The following VPS37A variants were observed in gnomAD, a reference collection of about 807,000 sequenced individuals.
VPS37A encodes VPS37A subunit of ESCRT-I, also known as vacuolar protein sorting-associated protein 37A.
A neutral mutation model predicts 49.8 loss-of-function variants in VPS37A; 30 were observed. That is an observed-to-expected ratio of 0.60 (90% CI 0.45 to 0.82). VPS37A has a LOEUF of 0.82. VPS37A is among the 40% of genes least tolerant of loss of function. The pLI is 0.00. For synonymous variants in VPS37A, 195 were observed against 160.6 expected, an observed-to-expected ratio of 1.21 and a Z score of -1.62; for missense variants, 593 against 464.4, an observed-to-expected ratio of 1.28 and a Z score of -2.55.
At chr8:17,248,305 C>G (rs1351043371) in intron 1 of VPS37A, 1 of 446,670 alleles carries the variant, frequency 2.2e-6, no homozygotes, top group South Asian at 1.6e-5. Flanking sequence ...TCTCCTGTTG[C>G]CCAGGCTGGA....
At chr8:17,263,671 G>A (rs956070825) in intron 1 of VPS37A, among the ~76,000 whole-genome samples, 10 of 152,152 alleles carry the variant, frequency 6.6e-5, no homozygotes, top group Non-Finnish European at 1.0e-4. Context: ...TCTGAACAAT[G>A]TCTGAAAAAC....
At position 17,268,328 on chromosome 8, in the gene VPS37A, A is replaced by G. The variant is rs771765571; in HGVS notation, c.271A>G (p.Met91Val). Reference protein sequence around the residue: ...SVYPPIRHHLMDKQGVYVTSP... With the variant: ...SVYPPIRHHLVDKQGVYVTSP... Reference sequence around the variant, plus strand: ...TTATCCACCAATACGACATCACTTAATGGATAAACAAGGAGTGTATGTTAC... The same window carrying G: ...TTATCCACCAATACGACATCACTTAGTGGATAAACAAGGAGTGTATGTTAC... The change falls in exon 3 of 12, where the codon ATG becomes GTG. Residue 91 changes from methionine (M) to valine (V), a missense_variant. By Grantham distance (21) the Met-to-Val change is conservative. Transcript: ENST00000324849. The G allele has an allele frequency of 6.2e-7, 1 of 1,613,380 alleles. No individual in the cohort carries two copies. Among genetic ancestry groups the G allele is most frequent in the African/African-American group, 1.3e-5 (1 of 74,928 alleles).
chr8:17,251,157 A>G (rs1811939559), intron 1 of VPS37A, among the ~76,000 whole-genome samples: 1 of 152,168 alleles, frequency 6.6e-6, no homozygotes. Context: ...TGTTTATGCC[A>G]GTGATGATGG....
At chr8:17,301,365 A>C (rs533289833), downstream of VPS37A, among the ~76,000 whole-genome samples, 5 of 152,348 alleles carry the variant, frequency 3.3e-5, no homozygotes, top group South Asian at 1.0e-3. Context: ...ACTGTGAAAG[A>C]TTTAAACTTG....
At chr8:17,247,648 C>G (rs1811421136) in intron 1 of VPS37A, 1 of 704,326 alleles carries the variant, frequency 1.4e-6, no homozygotes. Flanking sequence ...CTCAATCTCT[C>G]TCATAGTCTA....
intron 11 of VPS37A, 60 bp downstream of exon 11, chr8:17,286,487 ATGT>A: frequency 1.4e-6 from 2 of 1,475,726 alleles, no homozygotes; most frequent in Admixed American, 1.8e-5. Flanking sequence ...TTAAATAGAC[ATGT>A]TGTTAACGGT....
At position 17,268,245 on chromosome 8, in the gene VPS37A, C is replaced by T; in HGVS notation, c.201-13C>T. 1 of 1,576,862 alleles carries T rather than the reference C, an allele frequency of 6.3e-7. No homozygotes were observed. Among genetic ancestry groups the T allele is most frequent in the Non-Finnish European group, 8.7e-7 (1 of 1,149,168 alleles). On this transcript the variant is annotated splice_polypyrimidine_tract_variant and intron_variant, in intron 2 of 11. Transcript: ENST00000324849. The stretch of plus-strand genomic sequence containing the variant: ...TCTTTGTTTTTGTTTTTCATCTGTT[C>T]TACCTCTACCAGATTGCTTCCTCCA...
At chr8:17,324,751 G>A in the VPS37A span, among the ~76,000 whole-genome samples, 2 of 152,194 alleles carry the variant, frequency 1.3e-5, no homozygotes, top group South Asian at 4.1e-4. Flanking sequence ...ATGGGAAAAT[G>A]GGTTTTCTAT....
chr8:17,281,585 G>A (rs1160933322), intron 9 of VPS37A, among the ~76,000 whole-genome samples: 1 of 152,006 alleles, frequency 6.6e-6, no homozygotes, highest in East Asian at 1.9e-4. Context: ...TTAGGAATAA[G>A]AGAGTAATGC....
the VPS37A span, among the ~76,000 whole-genome samples, chr8:17,308,562 A>G: frequency 6.6e-6 from 1 of 152,214 alleles, no homozygotes. Flanking sequence ...ATATCAAACT[A>G]ATGAAACTTG....
chr8:17,247,186 G>T lies in VPS37A; in HGVS notation c.-59G>T. ...TGTCGCTGGAGAACCGCCGGGCCGAGCCACTGGGAGAAGCAGGCCAGAGCC... is the reference window on the plus strand; with the variant it reads ...TGTCGCTGGAGAACCGCCGGGCCGATCCACTGGGAGAAGCAGGCCAGAGCC... On this transcript the variant is annotated 5_prime_UTR_variant, in exon 1 of 12. Coordinates refer to ENST00000324849, the MANE Select transcript of VPS37A (RefSeq NM_152415.3). The T allele has an allele frequency of 6.4e-7, 1 of 1,551,372 alleles. No individual in the cohort carries two copies. Among genetic ancestry groups the T allele is most frequent in the Non-Finnish European group, 8.7e-7 (1 of 1,147,978 alleles).
intron 1 of VPS37A, among the ~76,000 whole-genome samples, chr8:17,249,460 A>G (rs1811769473): frequency 6.6e-6 from 1 of 152,198 alleles, no homozygotes; most frequent in African/African-American, 2.4e-5. Flanking sequence ...TAAGTATTTT[A>G]TTGTTTTAAG....
intron 1 of VPS37A, among the ~76,000 whole-genome samples, chr8:17,265,143 C>A (rs1010939985): frequency 6.6e-6 from 1 of 152,160 alleles, no homozygotes; most frequent in Non-Finnish European, 1.5e-5. Flanking sequence ...TGCATGGCTT[C>A]AATTCTCAGA....
At chr8:17,266,070 T>G in intron 2 of VPS37A, 89 bp downstream of exon 2, 1 of 1,153,466 alleles carries the variant, frequency 8.7e-7, no homozygotes, top group Non-Finnish European at 1.2e-6. Flanking sequence ...ACTTTTAAGG[T>G]GAACTTATTT....
At chr8:17,255,257 G>T (rs1585926662) in intron 1 of VPS37A, among the ~76,000 whole-genome samples, 1 of 152,216 alleles carries the variant, frequency 6.6e-6, no homozygotes, top group Admixed American at 6.5e-5. Flanking sequence ...GAAGCGGGTG[G>T]ATCGCCTGAG....
chr8:17,303,635 G>C (rs1473067552), downstream of VPS37A, among the ~76,000 whole-genome samples: 2 of 145,638 alleles, frequency 1.4e-5, no homozygotes, highest in Non-Finnish European at 1.5e-5. Context: ...TTGAGATGGA[G>C]TTTTGCTCTT....
the VPS37A span, among the ~76,000 whole-genome samples, chr8:17,308,356 C>T: frequency 6.6e-6 from 1 of 152,082 alleles, no homozygotes; most frequent in Admixed American, 6.6e-5. Flanking sequence ...AGAAGTTTAT[C>T]TAATTGGGGG....
At chr8:17,272,056 T>A (rs546537728) in intron 4 of VPS37A, 16 of 456,742 alleles carry the variant, frequency 3.5e-5, no homozygotes, top group African/African-American at 3.2e-4. Context: ...GATCATCCAA[T>A]TCACTAGGTA....
In VPS37A at chr8:17,280,138, G is replaced by A; in HGVS notation, c.824G>A (p.Ser275Asn). 1 of 1,612,522 alleles carries A rather than the reference G, an allele frequency of 6.2e-7. No individual in the cohort carries two copies. Among genetic ancestry groups the A allele is most frequent in the Non-Finnish European group, 8.5e-7 (1 of 1,179,220 alleles). ...ACCGACAAAGATGACTTAGTAAAAA[G>A]TATTGAGGAACTAGCAAGTATGTTT... ...IITDKDDLVK[S>N]IEELARKNLL... Residue 275 changes from serine (S) to asparagine (N), a missense_variant, in exon 7 of 12, where the codon AGT becomes AAT. Transcript: ENST00000324849.
Sources: gnomAD v4.1 joint callset for allele counts (sites outside exome capture counted in the v4.1 genomes callset) on GRCh38, gnomAD v4.1.1 for gene constraint, MANE v1.5 for transcripts, NCBI Gene and HGNC (gene_info 2026-07-23, HGNC 2026-07-21) for gene names.